The following TRPV3 variants were observed in gnomAD, a reference collection of about 807,000 sequenced individuals.
The protein encoded by TRPV3 is transient receptor potential cation channel subfamily V member 3.
TRPV3 carries 88 observed loss-of-function variants against 87.1 expected under a neutral mutation model. The ratio of observed to expected loss-of-function variants is 1.01; its 90% CI spans 0.85 to 1.21. The LOEUF (loss-of-function observed/expected upper bound fraction) is 1.21. Among genes scored for constraint, TRPV3 ranks in the 50% most tolerant of loss-of-function variants. The probability of loss-of-function intolerance (pLI) is 0.00; values close to 1 mark genes in which losing one functional copy is unlikely to be tolerated. For missense variants in TRPV3, 1,054 were observed against 1,030.1 expected (o/e 1.02, Z -0.32); for synonymous variants, 438 against 423.3 (o/e 1.03, Z -0.43).
In TRPV3 at chr17:3,514,615, G is replaced by C. The variant is rs142534228; in HGVS notation, c.2256C>G (p.Asp752Glu). The change falls in exon 17 of 18, where the codon GAC (aspartate) becomes GAG (glutamate). Residue 752 changes from aspartate (D) to glutamate (E), a missense_variant. Transcript: ENST00000576742. ...TACCTGTTCGTCTTACAGGCCCCGG[G>C]TCTTCGTTAAGGAAGGAGACGTGCG... is the stretch of plus-strand genomic sequence containing the variant. ...WKTHVSFLNE[D>E]PGPVRRTDFN... 2.5e-6 allele frequency: 4 copies of C among 1,613,828 alleles called. No homozygotes were observed. The African/African-American group carries it at 5.3e-5, about 22-fold the overall frequency.
At chr17:3,538,293 A>T (rs1797431029) in intron 6 of TRPV3, among the ~76,000 whole-genome samples, 1 of 152,170 alleles carries the variant, frequency 6.6e-6, no homozygotes, top group South Asian at 2.1e-4. Flanking sequence ...AACTGAGAAA[A>T]GATTATAAAC....
chr17:3,542,396 T>C (rs2074472109), intron 6 of TRPV3, 126 bp downstream of exon 6: 1 of 1,062,620 alleles, frequency 9.4e-7, no homozygotes, highest in Non-Finnish European at 1.3e-6. Flanking sequence ...CCTGGTACCA[T>C]GCTACATGCT....
Position 3,528,531 on chromosome 17 carries a change from C to A in TRPV3, c.1401+306G>T, listed in dbSNP as rs1327346502. ...TTATCCTCCTCCCGTTTCCTGCAGC[C>A]CTCACAGCAGAAACACCCAGCTAGT... On this transcript the variant is annotated intron_variant, in intron 10 of 17. Coordinates refer to ENST00000576742, the MANE Select transcript of TRPV3 (RefSeq NM_145068.4). The surrounding 1 kb of genome is among the most constrained non-coding windows in gnomAD (Gnocchi z 4.2). Among the ~76,000 whole-genome samples, 1 of 152,142 alleles carries A rather than the reference C, an allele frequency of 6.6e-6. No homozygotes were observed. Among genetic ancestry groups the A allele is most frequent in the Non-Finnish European group, 1.5e-5 (1 of 68,020 alleles).
Position 3,528,830 on chromosome 17 carries a change from C to G in TRPV3, c.1401+7G>C. ...CCCCATTTTCCCCCTCCAAGGGGCC[C>G]ACGTACCTCCTCCTCCCGGGGGCGG... is the stretch of plus-strand genomic sequence containing the variant. On this transcript the variant is annotated splice_region_variant and intron_variant, in intron 10 of 17. Transcript: ENST00000576742. The surrounding 1 kb of genome is among the most constrained non-coding windows in gnomAD (Gnocchi z 4.2). 1 of 1,614,076 alleles carries G rather than the reference C, an allele frequency of 6.2e-7. No individual in the cohort carries two copies. Among genetic ancestry groups the G allele is most frequent in the Non-Finnish European group, 8.5e-7 (1 of 1,179,972 alleles).
In TRPV3 at chr17:3,512,857, G is replaced by A. The variant is rs2074131881; in HGVS notation, c.*1060C>T. ...CGTACCAAAGCAGTTGAGGCATTTT[G>A]TTAAATTCCCCCACTGAGACATACT... is the stretch of plus-strand genomic sequence containing the variant. On this transcript the variant is annotated 3_prime_UTR_variant, in exon 18 of 18. Coordinates refer to ENST00000576742, the MANE Select transcript of TRPV3 (RefSeq NM_145068.4). 6.6e-6 allele frequency: 1 copy of A among 152,164 alleles called. No homozygotes were observed. The highest frequency in any genetic ancestry group is 1.5e-5 in the Non-Finnish European group (1 of 68,032). The allele number at this position is 152,164 out of a possible 1,614,324, so 9.4% of individuals were successfully genotyped here. A position where few individuals can be genotyped will look rare whatever the true frequency, so the allele number is the denominator to read the frequency against.
chr17:3,547,827 G>A (rs1330263223), intron 2 of TRPV3, among the ~76,000 whole-genome samples: 3 of 152,152 alleles, frequency 2.0e-5, no homozygotes, highest in Non-Finnish European at 4.4e-5. Context: ...GCGAAGGAGA[G>A]ACGCTGGCCT....
At chr17:3,526,734 C>T (rs755669375) in intron 12 of TRPV3, 120 bp downstream of exon 12, 9 of 774,964 alleles carry the variant, frequency 1.2e-5, no homozygotes, top group Non-Finnish European at 1.7e-5. Flanking sequence ...GTAACCATGG[C>T]AGAGTGACTG....
At chr17:3,549,698 G>GGCT (rs2074555139) in intron 2 of TRPV3, among the ~76,000 whole-genome samples, 1 of 149,368 alleles carries the variant, frequency 6.7e-6, no homozygotes, top group South Asian at 2.1e-4. Context: ...ATGAGTGGAT[G>GGCT]GATGATGGAT....
intron 13 of TRPV3, 44 bp downstream of exon 13, chr17:3,524,154 G>A: frequency 6.2e-7 from 1 of 1,600,180 alleles, no homozygotes; most frequent in East Asian, 2.2e-5. Flanking sequence ...CTGAAAAATG[G>A]CCATCCTCCG....
chr17:3,542,090 G>A (rs1172025597), intron 6 of TRPV3, among the ~76,000 whole-genome samples: 2 of 152,132 alleles, frequency 1.3e-5, no homozygotes, highest in African/African-American at 4.8e-5. Context: ...CCAAGTAGCT[G>A]GGATTACAGG....
intron 1 of TRPV3, among the ~76,000 whole-genome samples, chr17:3,555,215 C>G (rs2074616103): frequency 6.6e-6 from 1 of 152,154 alleles, no homozygotes; most frequent in African/African-American, 2.4e-5. Context: ...GACCACCATG[C>G]CCCTGTCCTC....
At chr17:3,546,976 A>AAAAAAAAAAAAG in intron 2 of TRPV3, among the ~76,000 whole-genome samples, 1 of 151,882 alleles carries the variant, frequency 6.6e-6, no homozygotes, top group South Asian at 2.1e-4. Flanking sequence ...TCAAAAAAAA[A>AAAAAAAAAAAAG]AAACTGGGTC....
At chr17:3,520,124 C>T (rs1362893144) in intron 14 of TRPV3, among the ~76,000 whole-genome samples, 3 of 151,988 alleles carry the variant, frequency 2.0e-5, no homozygotes, top group Non-Finnish European at 4.4e-5. Context: ...GAAAAGGTAC[C>T]AGACAGATGG....
At chr17:3,517,670 T>C (rs1040757428) in intron 15 of TRPV3, among the ~76,000 whole-genome samples, 9 of 149,148 alleles carry the variant, frequency 6.0e-5, no homozygotes, top group East Asian at 5.9e-4. Flanking sequence ...GAAACTTCCA[T>C]GTGTGACATC....
intron 2 of TRPV3, chr17:3,553,131 C>T (rs1161061862): frequency 6.6e-6 from 1 of 152,522 alleles, no homozygotes; most frequent in Non-Finnish European, 1.5e-5. Flanking sequence ...CACCGGGACT[C>T]CTCCTTCTCC....
Position 3,526,845 on chromosome 17 carries a change from C to T in TRPV3, c.1577+9G>A. ...GTGAGGCGATAACCAAGGGGCCAGA[C>T]CTACTTACAAGACAAAGTGGAACCA... On this transcript the variant is annotated intron_variant, in intron 12 of 17. Coordinates refer to ENST00000576742, the MANE Select transcript of TRPV3 (RefSeq NM_145068.4). The T allele has an allele frequency of 6.2e-6, 10 of 1,608,244 alleles. No homozygotes were observed. The highest frequency in any genetic ancestry group is 1.1e-5 in the South Asian group (1 of 89,604).
Position 3,532,950 on chromosome 17 carries a change from C to T in TRPV3, c.785-13G>A, listed in dbSNP as rs753150018. 34 of 1,611,758 alleles carry T rather than the reference C, an allele frequency of 2.1e-5. No homozygotes were observed. Among genetic ancestry groups the T allele is most frequent in the South Asian group, 9.9e-5 (9 of 91,042 alleles). On this transcript the variant is annotated splice_polypyrimidine_tract_variant and intron_variant, in intron 7 of 17. Transcript: ENST00000576742. ...AGGGGCGTCTCACCTGGGGGATGAG[C>T]GCACTGAAGCTTGGTTCTCTCATGG...
At position 3,535,706 on chromosome 17, in the gene TRPV3, C is replaced by T; in HGVS notation, c.651G>A (p.Thr217=). 6.5e-7 allele frequency: 1 copy of T among 1,542,570 alleles called. No homozygotes were observed. The highest frequency in any genetic ancestry group is 8.7e-7 in the Non-Finnish European group (1 of 1,147,668). Residue 217 remains threonine (T), a synonymous_variant, in exon 7 of 18, where the codon ACG becomes ACA. Coordinates refer to ENST00000576742, the MANE Select transcript of TRPV3 (RefSeq NM_145068.4). The part of the protein sequence containing the change: ...EYTEEAYEGQ[T]ALNIAIERRQ... Reference sequence around the variant, plus strand: ...GCCGCTCGATGGCGATGTTCAGCGCCGTCTGCCCTGCGGAGCGGGCGGGGA... The same window carrying T: ...GCCGCTCGATGGCGATGTTCAGCGCTGTCTGCCCTGCGGAGCGGGCGGGGA...
chr17:3,543,755 C>T, intron 4 of TRPV3, 127 bp from the exon 5 acceptor site: 1 of 1,237,242 alleles, frequency 8.1e-7, no homozygotes, highest in Non-Finnish European at 1.1e-6. Context: ...TGTCACAATG[C>T]CTGCAAACTC....
Sources: gnomAD v4.1 joint callset for allele counts (sites outside exome capture counted in the v4.1 genomes callset) on GRCh38, gnomAD v4.1.1 for gene constraint, Gnocchi (gnomAD v3.1) non-coding constraint, MANE v1.5 for transcripts, NCBI Gene and HGNC (gene_info 2026-07-23, HGNC 2026-07-21) for gene names.